The following PIGN variants were observed in gnomAD, a reference collection of about 807,000 sequenced individuals.
PIGN encodes phosphatidylinositol glycan anchor biosynthesis class N.
A neutral mutation model predicts 125.4 loss-of-function variants in PIGN; 117 were observed. The ratio of observed to expected loss-of-function variants is 0.93; its 90% CI spans 0.80 to 1.09. The LOEUF (loss-of-function observed/expected upper bound fraction) is 1.09, where lower values mean the gene tolerates loss of function less well. PIGN is among the 50% of genes least tolerant of loss of function. PIGN has a pLI of 0.00. For synonymous variants in PIGN, 392 were observed against 377.8 expected (o/e 1.04, Z -0.44); for missense variants, 1,075 against 1,094.9 (o/e 0.98, Z 0.26).
In PIGN at chr18:62,072,717, GA is replaced by G; in HGVS notation, c.2627del (p.Phe876SerfsTer21). On this transcript the variant is annotated frameshift_variant, in exon 30 of 31. Transcript: ENST00000640252. LOFTEE classifies it high-confidence loss of function. ...VISDIMALHF[F>X]FLVKDYGSWL... ...AGCTGCCATAATCCTTGACCAAGAA[GA>G]AAAAATGCTGTAAAAAAAAAAAAAG... The G allele has an allele frequency of 1.4e-6, 2 of 1,471,582 alleles. No individual in the cohort carries two copies. Among genetic ancestry groups the G allele is most frequent in the Admixed American group, 2.4e-5 (1 of 42,066 alleles). 91.2% of individuals were successfully genotyped at this position (1,471,582 alleles called of 1,614,324 possible).
chr18:62,022,076 G>A (rs2144863339), intron 23 of PIGN, among the ~76,000 whole-genome samples: 1 of 152,240 alleles, frequency 6.6e-6, no homozygotes, highest in African/African-American at 2.4e-5. Flanking sequence ...AGCAGTTCAC[G>A]TCTTCAAAGG....
At chr18:62,066,797 A>C (rs1199667637) in intron 30 of PIGN, among the ~76,000 whole-genome samples, 2 of 152,210 alleles carry the variant, frequency 1.3e-5, no homozygotes, top group Non-Finnish European at 2.9e-5. Flanking sequence ...TCTTTGACAG[A>C]GAGTAATTAA....
intron 1 of PIGN, among the ~76,000 whole-genome samples, chr18:62,182,072 T>C (rs566068258): frequency 3.3e-5 from 5 of 152,248 alleles, no homozygotes; most frequent in South Asian, 2.1e-4. Context: ...TCTATGAACA[T>C]TACTGCTTTC....
chr18:62,086,234 T>A (rs1047400520), intron 25 of PIGN, among the ~76,000 whole-genome samples: 4 of 151,946 alleles, frequency 2.6e-5, no homozygotes, highest in Middle Eastern at 3.4e-3. Context: ...CAAGAAAGAG[T>A]AAAAAGGCTT....
chr18:62,109,809 C>A (rs761727233), intron 17 of PIGN, 25 bp downstream of exon 17: 5 of 1,577,778 alleles, frequency 3.2e-6, no homozygotes, highest in African/African-American at 2.7e-5. Flanking sequence ...AGTGAAAAAA[C>A]AAGGCAGCAA....
chr18:62,049,462 AGCAT>A, intron 30 of PIGN, among the ~76,000 whole-genome samples: 1 of 151,736 alleles, frequency 6.6e-6, no homozygotes, highest in Non-Finnish European at 1.5e-5. Flanking sequence ...AGTGATGGTG[AGCAT>A]TTTTTCATGT....
At chr18:62,137,424 A>C in intron 14 of PIGN, 1 of 254,228 alleles carries the variant, frequency 3.9e-6, no homozygotes. Context: ...TCCTTAATAA[A>C]CTCCCCTTCA....
chr18:62,173,446 G>C (rs2037408621), intron 1 of PIGN, among the ~76,000 whole-genome samples: 1 of 152,014 alleles, frequency 6.6e-6, no homozygotes, highest in Non-Finnish European at 1.5e-5. Context: ...CACCCAGGCT[G>C]GTCTTGAACT....
intron 11 of PIGN, 51 bp downstream of exon 11, chr18:62,143,255 T>C: frequency 1.1e-6 from 1 of 938,660 alleles, no homozygotes; most frequent in East Asian, 2.6e-5. Context: ...TGTCTAACCT[T>C]CTTATAGAAG....
chr18:62,155,440 G>C (rs2036692085), intron 6 of PIGN, among the ~76,000 whole-genome samples: 1 of 152,044 alleles, frequency 6.6e-6, no homozygotes, highest in Admixed American at 6.6e-5. Context: ...GTGGTGGTGT[G>C]CGCTTGTAAT....
chr18:62,092,901 T>C (rs1432452691), intron 23 of PIGN, among the ~76,000 whole-genome samples: 1 of 152,148 alleles, frequency 6.6e-6, no homozygotes, highest in East Asian at 1.9e-4. Flanking sequence ...GCTCTTTCTC[T>C]AGTCAGTCTT....
chr18:62,054,508 T>G (rs1407225573), intron 30 of PIGN, among the ~76,000 whole-genome samples: 3 of 149,650 alleles, frequency 2.0e-5, no homozygotes, highest in African/African-American at 7.4e-5. Flanking sequence ...TTTTTTTTTT[T>G]TTAGGCAGGG....
chr18:62,075,642 G>A (rs1280988851), intron 28 of PIGN: 2 of 152,118 alleles, frequency 1.3e-5, no homozygotes, highest in African/African-American at 4.8e-5. Flanking sequence ...CCAGTTTGTG[G>A]CTCTTACAAA....
chr18:62,175,560 G>A (rs945389588), intron 1 of PIGN, among the ~76,000 whole-genome samples: 3 of 151,866 alleles, frequency 2.0e-5, no homozygotes, highest in Non-Finnish European at 2.9e-5. Context: ...CACTACCTCC[G>A]TGGCCCTGCA....
At chr18:62,170,093 T>C (rs2037297901) in intron 1 of PIGN, among the ~76,000 whole-genome samples, 1 of 152,218 alleles carries the variant, frequency 6.6e-6, no homozygotes. Flanking sequence ...GGTAGCTTGT[T>C]GTGATTTTAA....
chr18:62,076,495 A>C (rs76723181), intron 28 of PIGN, among the ~76,000 whole-genome samples: 10,152 of 152,168 alleles, frequency 0.067, 624 homozygotes, highest in African/African-American at 0.16. Context: ...AAAAACTTTT[A>C]ATTCTGAAGA....
At chr18:62,175,099 AT>A (rs1886248381) in intron 1 of PIGN, among the ~76,000 whole-genome samples, 1 of 147,398 alleles carries the variant, frequency 6.8e-6, no homozygotes, top group Non-Finnish European at 1.5e-5. Context: ...AATATATATA[AT>A]GTTTATGTCA....
At chr18:62,150,415 A>G (rs1038168379) in intron 7 of PIGN, among the ~76,000 whole-genome samples, 2 of 152,254 alleles carry the variant, frequency 1.3e-5, no homozygotes, top group African/African-American at 4.8e-5. Context: ...AATATAGAGG[A>G]GGGTTATCTA....
chr18:62,085,220 A>C lies in PIGN; in HGVS notation c.2415T>G (p.Ala805=), dbSNP rs1294928387. 4 of 1,532,712 alleles carry C rather than the reference A, an allele frequency of 2.6e-6. No homozygotes were observed. Among genetic ancestry groups the C allele is most frequent in the Non-Finnish European group, 3.5e-6 (4 of 1,131,610 alleles). The allele number at this position is 1,532,712 out of a possible 1,614,324, so 94.9% of individuals were successfully genotyped here. A position where few individuals can be genotyped will look rare whatever the true frequency, so the allele number is the denominator to read the frequency against. Residue 805 remains alanine (A), a synonymous_variant, in exon 26 of 31, where the codon GCT becomes GCG. Transcript: ENST00000640252. ...TCATTTAAAATTACCTGTTAATAGA[A>C]GCTATATTTCCAGTTCCAAAAAATG... ...VTAFFGTGNI[A]SINSFDLASV...
Sources: gnomAD v4.1 joint callset for allele counts (sites outside exome capture counted in the v4.1 genomes callset) on GRCh38, gnomAD v4.1.1 for gene constraint, MANE v1.5 for transcripts, NCBI Gene and HGNC (gene_info 2026-07-23, HGNC 2026-07-21) for gene names.